The following LINC00632 variants were observed in gnomAD, a reference collection of about 807,000 sequenced individuals.
LINC00632 encodes the protein long independently transcribed non-coding RNA 632, also known as ALDOA related specific transcript.
At chrX:140,757,028 A>C (rs1213600634) in intron 3 of LINC00632, among the ~76,000 whole-genome samples, 1 of 111,275 alleles carries the variant, frequency 9.0e-6, no homozygotes, top group African/African-American at 3.3e-5. Context: ...GATTGCTTGG[A>C]AGGGACTGTC....
chrX:140,713,249 CTA>C (rs1445648834), intron 2 of LINC00632, among the ~76,000 whole-genome samples: 1 of 109,712 alleles, frequency 9.1e-6, no homozygotes, highest in Non-Finnish European at 1.9e-5. Flanking sequence ...TAACTGCTCT[CTA>C]TATGCTCACC....
chrX:140,784,012 C>T, exon 5 of LINC00632: 1 of 1,211,590 alleles, frequency 8.3e-7, no homozygotes, highest in Non-Finnish European at 1.1e-6. Flanking sequence ...TCCTTGTCTT[C>T]CCTTAAATCT....
intron 3 of LINC00632, among the ~76,000 whole-genome samples, chrX:140,735,172 T>C (rs1166306637): frequency 8.9e-6 from 1 of 112,045 alleles, no homozygotes; most frequent in African/African-American, 3.2e-5. Flanking sequence ...GTTCCTGTCC[T>C]TCATTTTTAT....
At chrX:140,782,206 T>C (rs1040784661) in exon 5 of LINC00632, among the ~76,000 whole-genome samples, 2 of 112,109 alleles carry the variant, frequency 1.8e-5, no homozygotes, top group Non-Finnish European at 3.8e-5. Flanking sequence ...ATTTAATATC[T>C]AGGCCCTAAT....
intron 2 of LINC00632, among the ~76,000 whole-genome samples, chrX:140,727,483 G>A (rs1210344171): frequency 9.0e-6 from 1 of 110,929 alleles, no homozygotes; most frequent in African/African-American, 3.3e-5. Flanking sequence ...AATAGAGACG[G>A]GGTTTCACCA....
At chrX:140,750,395 G>A (rs113426801) in intron 3 of LINC00632, among the ~76,000 whole-genome samples, 98 of 110,526 alleles carry the variant, frequency 8.9e-4, no homozygotes, top group African/African-American at 3.0e-3. Flanking sequence ...ATTGTCAAGA[G>A]TAGATTTTAA....
chrX:140,737,109 A>T (rs1182479913), intron 3 of LINC00632, among the ~76,000 whole-genome samples: 3 of 108,858 alleles, frequency 2.8e-5, no homozygotes, highest in Admixed American at 9.9e-5. Context: ...CATGTTGCCC[A>T]GGCTGGTCTC....
At chrX:140,725,131 T>TACCA (rs1259334893) in intron 2 of LINC00632, among the ~76,000 whole-genome samples, 2 of 66,802 alleles carry the variant, frequency 3.0e-5, no homozygotes, top group African/African-American at 5.7e-5. Flanking sequence ...ACACATTCCA[T>TACCA]ACACACACAT....
chrX:140,716,447 A>G (rs1930630047), intron 2 of LINC00632, among the ~76,000 whole-genome samples: 2 of 111,007 alleles, frequency 1.8e-5, no homozygotes, highest in Non-Finnish European at 3.8e-5. Context: ...TTGTTAATGT[A>G]TATTACAACC....
chrX:140,728,252 AAAAG>A (rs555374646), intron 2 of LINC00632, among the ~76,000 whole-genome samples: 2,727 of 109,788 alleles, frequency 0.025, 45 homozygotes, highest in Non-Finnish European at 0.04. Context: ...AAAAAAAAAA[AAAAG>A]AAAGAAAGAA....
exon 4 of LINC00632, chrX:140,772,301 G>A (rs1025724312): frequency 3.4e-6 from 1 of 294,020 alleles, no homozygotes; most frequent in Admixed American, 6.3e-5. Context: ...TTGTTCTTCT[G>A]CTTGTTATTG....
chrX:140,729,803 A>C (rs1931026645), intron 2 of LINC00632, among the ~76,000 whole-genome samples: 1 of 111,213 alleles, frequency 9.0e-6, no homozygotes, highest in Admixed American at 9.6e-5. Flanking sequence ...GAAAAAAGAA[A>C]AAATATATAG....
At chrX:140,783,857 T>C in exon 5 of LINC00632, 1 of 1,210,273 alleles carries the variant, frequency 8.3e-7, no homozygotes, top group Non-Finnish European at 1.1e-6. Flanking sequence ...TTCCAGAAAA[T>C]CCACGTCTTC....
chrX:140,768,931 A>G (rs1338212982), intron 3 of LINC00632, among the ~76,000 whole-genome samples: 1 of 107,521 alleles, frequency 9.3e-6, no homozygotes, highest in Non-Finnish European at 1.9e-5. Flanking sequence ...ATATAATGGA[A>G]TGAATGGGAC....
At chrX:140,753,588 T>C (rs1931442956) in intron 3 of LINC00632, among the ~76,000 whole-genome samples, 1 of 110,207 alleles carries the variant, frequency 9.1e-6, no homozygotes, top group Admixed American at 9.8e-5. Flanking sequence ...TTATAAAATA[T>C]CCCGTTATTT....
chrX:140,711,245 T>C (rs1569345961), intron 1 of LINC00632, among the ~76,000 whole-genome samples: 1 of 111,677 alleles, frequency 9.0e-6, no homozygotes, highest in Non-Finnish European at 1.9e-5. Flanking sequence ...AATGTAAAGA[T>C]GATTATAAAA....
chrX:140,737,253 G>A (rs922928641), intron 3 of LINC00632, among the ~76,000 whole-genome samples: 5 of 111,050 alleles, frequency 4.5e-5, no homozygotes, highest in South Asian at 3.8e-4. Context: ...GAGAAAACAG[G>A]TTCTAACAAG....
At chrX:140,736,040 A>C (rs2148386942) in intron 3 of LINC00632, among the ~76,000 whole-genome samples, 1 of 112,102 alleles carries the variant, frequency 8.9e-6, no homozygotes, top group South Asian at 3.7e-4. Flanking sequence ...AGGAAAAAAT[A>C]TTAATATACG....
At chrX:140,772,712 A>G (rs560464166) in exon 4 of LINC00632, 3 of 135,799 alleles carry the variant, frequency 2.2e-5, no homozygotes, top group East Asian at 3.7e-4. Flanking sequence ...GCACACAAGA[A>G]TCACTGAGAA....
Sources: allele counts gnomAD v4.1 joint callset (sites outside exome capture counted in the v4.1 genomes callset), GRCh38; gene constraint gnomAD v4.1.1; transcripts MANE v1.5; gene names NCBI Gene and HGNC (gene_info 2026-07-23, HGNC 2026-07-21).